Variants in FAM200B observed in about 807,000 individuals in gnomAD.
The protein encoded by FAM200B is protein FAM200B.
In FAM200B, 32 loss-of-function variants were observed where a neutral mutation model predicts 33.1. That is an observed-to-expected ratio of 0.97 (90% confidence interval 0.73 to 1.30). The LOEUF is 1.30. Among genes scored for constraint, FAM200B ranks in the 50% most tolerant of loss-of-function variants. The pLI, the probability that FAM200B is intolerant of heterozygous loss-of-function variation, is 0.00. For synonymous variants in FAM200B, 240 were observed against 264.8 expected (o/e 0.91, Z 0.91); for missense variants, 741 against 754.0 (o/e 0.98, Z 0.20).
At chr4:15,675,874 C>T in the FAM200B span, among the ~76,000 whole-genome samples, 1 of 152,242 alleles carries the variant, frequency 6.6e-6, no homozygotes, top group Admixed American at 6.5e-5. Flanking sequence ...TGAGCCACCG[C>T]GCCCAGCCAA....
the FAM200B span, among the ~76,000 whole-genome samples, chr4:15,646,547 TA>T: frequency 1.1e-3 from 173 of 151,352 alleles, no homozygotes; most frequent in African/African-American, 3.2e-3. Context: ...AAATATTTTT[TA>T]TTATTATTAT....
At chr4:15,662,833 A>G in the FAM200B span, among the ~76,000 whole-genome samples, 1 of 152,192 alleles carries the variant, frequency 6.6e-6, no homozygotes, top group African/African-American at 2.4e-5. Context: ...AGAATAGTGA[A>G]CAAGTTTGTG....
chr4:15,649,311 G>T, the FAM200B span, among the ~76,000 whole-genome samples: 1 of 152,064 alleles, frequency 6.6e-6, no homozygotes, highest in South Asian at 2.1e-4. Context: ...CGGGCACAGT[G>T]GTTCACGCCT....
the FAM200B span, among the ~76,000 whole-genome samples, chr4:15,653,185 C>T: frequency 6.6e-6 from 1 of 152,068 alleles, no homozygotes; most frequent in East Asian, 1.9e-4. Flanking sequence ...ATACAACAAT[C>T]TCATTAACTA....
the FAM200B span, among the ~76,000 whole-genome samples, chr4:15,639,121 G>A: frequency 4.6e-5 from 7 of 152,304 alleles, no homozygotes; most frequent in South Asian, 2.1e-4. Flanking sequence ...CCGATATTGC[G>A]CCATTGCACT....
At chr4:15,653,821 C>T in the FAM200B span, among the ~76,000 whole-genome samples, 1 of 152,218 alleles carries the variant, frequency 6.6e-6, no homozygotes, top group Non-Finnish European at 1.5e-5. Flanking sequence ...CCCTCAGCTG[C>T]ATACTGCACT....
rs1332327890 is a variant in FAM200B at position 15,687,490 on chromosome 4, T to A, written c.513T>A (p.Ile171=). Residue 171 remains isoleucine, a synonymous_variant, in exon 2 of 2, where the codon ATT becomes ATA. Transcript: ENST00000422728. ...KIANTAAEKI[I]LPACLDMVRT... ...CTAACACAGCTGCTGAAAAAATTAT[T>A]CTTCCAGCATGTTTGGATATGGTGC... 1 of 1,551,028 alleles carries A rather than the reference T, an allele frequency of 6.4e-7. No homozygotes were observed. The highest frequency in any genetic ancestry group is 8.7e-7 in the Non-Finnish European group (1 of 1,146,792).
At chr4:15,651,254 A>G in the FAM200B span, among the ~76,000 whole-genome samples, 4 of 152,216 alleles carry the variant, frequency 2.6e-5, no homozygotes, top group Non-Finnish European at 4.4e-5. Flanking sequence ...AGAGCTACCA[A>G]TAAGTAGCAG....
chr4:15,656,247 C>G, the FAM200B span: 1 of 456,220 alleles, frequency 2.2e-6, no homozygotes, highest in East Asian at 6.9e-5. Flanking sequence ...ATGTCTGCCT[C>G]TTTCCCATAA....
chr4:15,665,359 C>A, the FAM200B span, among the ~76,000 whole-genome samples: 10 of 152,088 alleles, frequency 6.6e-5, no homozygotes. Flanking sequence ...TACAGCCATA[C>A]CCCTATAATC....
the FAM200B span, among the ~76,000 whole-genome samples, chr4:15,651,464 A>T: frequency 2.2e-4 from 34 of 152,350 alleles, no homozygotes; most frequent in Admixed American, 2.0e-3. Flanking sequence ...GTAGACATGT[A>T]GTAAGAACTC....
upstream of FAM200B, among the ~76,000 whole-genome samples, chr4:15,678,312 T>C (rs1430169326): frequency 1.3e-5 from 2 of 152,238 alleles, no homozygotes; most frequent in Non-Finnish European, 2.9e-5. Flanking sequence ...AATCTAGGCA[T>C]TTTCTGGCTT....
At chr4:15,639,097 G>C in the FAM200B span, among the ~76,000 whole-genome samples, 1 of 152,242 alleles carries the variant, frequency 6.6e-6, no homozygotes, top group Non-Finnish European at 1.5e-5. Context: ...CTGGGAGGCA[G>C]AGGTTGCGGC....
In FAM200B at chr4:15,687,070, T is replaced by C. The variant is rs1718921747; in HGVS notation, c.93T>C (p.Asn31=). 2 of 1,543,132 alleles carry C rather than the reference T, an allele frequency of 1.3e-6. No individual in the cohort carries two copies. The highest frequency in any genetic ancestry group is 4.0e-5 in the Admixed American group (2 of 50,220). ...CATCTGTTGAATCTGGAATTGTGAA[T>C]AGTGACAATATTGAGAAAAATACTG... ...SSSSVESGIV[N]SDNIEKNTDS... Residue 31 remains asparagine, a synonymous_variant, in exon 2 of 2, where the codon AAT becomes AAC. Transcript: ENST00000422728.
chr4:15,637,433 T>C, the FAM200B span, among the ~76,000 whole-genome samples: 10 of 152,222 alleles, frequency 6.6e-5, no homozygotes, highest in African/African-American at 2.4e-4. Context: ...ACTAAAGTCC[T>C]ATGAAGAATT....
chr4:15,647,286 A>AC, the FAM200B span, among the ~76,000 whole-genome samples: 137 of 150,492 alleles, frequency 9.1e-4, no homozygotes, highest in African/African-American at 3.2e-3. Context: ...AACAACAACA[A>AC]AAAACAATAT....
chr4:15,650,661 CTTTTTTTTTTTT>C, the FAM200B span, among the ~76,000 whole-genome samples: 5 of 77,912 alleles, frequency 6.4e-5, no homozygotes, highest in East Asian at 4.1e-4. Flanking sequence ...AACTGACTTT[CTTTTTTTTTTTT>C]TTTTTTTTTT....
At chr4:15,667,921 A>T in the FAM200B span, among the ~76,000 whole-genome samples, 1 of 151,934 alleles carries the variant, frequency 6.6e-6, no homozygotes, top group Non-Finnish European at 1.5e-5. Context: ...GGTGCCTGTA[A>T]TCCCAGCTAC....
At chr4:15,655,689 G>A in the FAM200B span, among the ~76,000 whole-genome samples, 1 of 152,232 alleles carries the variant, frequency 6.6e-6, no homozygotes, top group Admixed American at 6.5e-5. Flanking sequence ...CTTGAGGAGA[G>A]GCAGCCAAGC....
Sources: gnomAD v4.1 joint callset for allele counts (sites outside exome capture counted in the v4.1 genomes callset) on GRCh38, gnomAD v4.1.1 for gene constraint, MANE v1.5 for transcripts, NCBI Gene and HGNC (gene_info 2026-07-23, HGNC 2026-07-21) for gene names.